Variants in MARCHF1 observed in about 807,000 individuals in gnomAD.
The protein encoded by MARCHF1 is E3 ubiquitin-protein ligase MARCHF1.
MARCHF1 carries 40 observed loss-of-function variants against 54.2 expected under a neutral mutation model. That is an observed-to-expected ratio of 0.74 (90% CI 0.57 to 0.96). The LOEUF is 0.96. Among genes scored for constraint, MARCHF1 ranks in the 40% least tolerant of loss-of-function variants. The pLI is 0.00. For synonymous variants in MARCHF1, 236 were observed against 236.3 expected, an observed-to-expected ratio of 1.00 and a Z score of 0.01; for missense variants, 586 against 656.5, an observed-to-expected ratio of 0.89 and a Z score of 1.17.
chr4:163,709,405 A>G (rs1001318816), intron 4 of MARCHF1, among the ~76,000 whole-genome samples: 1 of 152,154 alleles, frequency 6.6e-6, no homozygotes, highest in African/African-American at 2.4e-5. Context: ...GTGAGACCTC[A>G]TCTCTAATTT....
chr4:163,832,582 A>ATACTAT, intron 4 of MARCHF1, among the ~76,000 whole-genome samples: 1 of 147,632 alleles, frequency 6.8e-6, no homozygotes, highest in South Asian at 2.1e-4. Flanking sequence ...TGGATCCAAA[A>ATACTAT]TATTATTATT....
At chr4:164,049,302 C>G (rs534179504) in intron 2 of MARCHF1, among the ~76,000 whole-genome samples, 55 of 152,172 alleles carry the variant, frequency 3.6e-4, no homozygotes, top group Non-Finnish European at 6.9e-4. Flanking sequence ...GGAACCACCC[C>G]CGTGATTCAA....
At chr4:164,059,128 A>G (rs920039781) in intron 2 of MARCHF1, among the ~76,000 whole-genome samples, 1 of 152,228 alleles carries the variant, frequency 6.6e-6, no homozygotes, top group African/African-American at 2.4e-5. Flanking sequence ...ATCTAGTTGT[A>G]TGCAGAAGGG....
chr4:163,755,032 C>T (rs1746626722), intron 4 of MARCHF1, among the ~76,000 whole-genome samples: 1 of 152,158 alleles, frequency 6.6e-6, no homozygotes, highest in South Asian at 2.1e-4. Flanking sequence ...GGACATTCGG[C>T]AATGTCTGAA....
chr4:164,223,680 T>C (rs576938948), intron 1 of MARCHF1, among the ~76,000 whole-genome samples: 1 of 151,978 alleles, frequency 6.6e-6, no homozygotes, highest in South Asian at 2.1e-4. Context: ...TTCATGCCCA[T>C]CAAACTGAAT....
intron 1 of MARCHF1, among the ~76,000 whole-genome samples, chr4:164,139,493 A>G (rs1232357085): frequency 5.1e-5 from 4 of 78,232 alleles, no homozygotes; most frequent in African/African-American, 3.8e-4. Flanking sequence ...ATCTAAAGTC[A>G]AAAAAAAAAA....
chr4:163,822,560 T>C (rs1748723666), intron 4 of MARCHF1, among the ~76,000 whole-genome samples: 1 of 151,916 alleles, frequency 6.6e-6, no homozygotes, highest in Non-Finnish European at 1.5e-5. Context: ...CAACATTTGA[T>C]TCTGTACTGC....
intron 1 of MARCHF1, among the ~76,000 whole-genome samples, chr4:164,262,463 G>A (rs561527775): frequency 1.3e-5 from 2 of 152,318 alleles, no homozygotes; most frequent in South Asian, 4.1e-4. Flanking sequence ...ACCCAGAATG[G>A]CTGAACAGTC....
intron 8 of MARCHF1, among the ~76,000 whole-genome samples, chr4:163,582,308 C>T (rs769873618): frequency 6.6e-6 from 1 of 152,136 alleles, no homozygotes; most frequent in Non-Finnish European, 1.5e-5. Context: ...AGCTGGGCTA[C>T]TGACTTAAAG....
chr4:164,377,324 G>T (rs557279711), intron 1 of MARCHF1, among the ~76,000 whole-genome samples: 2 of 152,106 alleles, frequency 1.3e-5, no homozygotes, highest in Non-Finnish European at 2.9e-5. Context: ...CTAGAAATAC[G>T]TTCTGAGTTT....
chr4:163,634,372 C>T (rs1300038046), intron 5 of MARCHF1, among the ~76,000 whole-genome samples: 2 of 149,554 alleles, frequency 1.3e-5, no homozygotes, highest in African/African-American at 5.0e-5. Flanking sequence ...CAGAGACACA[C>T]ATAGGCTCAA....
chr4:164,123,037 G>A (rs1442128463), intron 1 of MARCHF1, among the ~76,000 whole-genome samples: 1 of 152,216 alleles, frequency 6.6e-6, no homozygotes, highest in Non-Finnish European at 1.5e-5. Context: ...GTTTTCAGAT[G>A]ATATGATCTT....
At chr4:163,551,326 G>T (rs1253786450) in intron 8 of MARCHF1, among the ~76,000 whole-genome samples, 1 of 152,162 alleles carries the variant, frequency 6.6e-6, no homozygotes, top group Non-Finnish European at 1.5e-5. Flanking sequence ...CTCTGGGAGA[G>T]AACTAAACAA....
In MARCHF1 at chr4:164,176,964, C is replaced by CCATATATA. The variant is rs1367492961; in HGVS notation, c.-322-65303_-322-65302insTATATATG. 6.3e-5 allele frequency among the ~76,000 whole-genome samples: 3 copies of CCATATATA among 47,718 alleles called. 1 individual carries two copies. The highest frequency in any genetic ancestry group is 2.5e-4 in the Admixed American group (1 of 3,976). The allele number at this position is 47,718 out of a possible 152,430, so 31.3% of individuals were successfully genotyped here. A position where few individuals can be genotyped will look rare whatever the true frequency, so the allele number is the denominator to read the frequency against. ...GCGCTCTCTCTCTCTCTCTCTCTCT[C>CCATATATA]TCTCTCTCTCTCTCTCTATATATAT... On this transcript the variant is annotated intron_variant, in intron 1 of 9. Coordinates refer to ENST00000514618, the MANE Select transcript of MARCHF1 (RefSeq NM_001394959.1).
At chr4:163,767,523 A>G (rs1263255343) in intron 4 of MARCHF1, among the ~76,000 whole-genome samples, 2 of 151,768 alleles carry the variant, frequency 1.3e-5, no homozygotes, top group Non-Finnish European at 2.9e-5. Flanking sequence ...TTTAGTAGAG[A>G]CGGGGTTTCA....
intron 2 of MARCHF1, among the ~76,000 whole-genome samples, chr4:163,996,358 A>G (rs747312772): frequency 6.6e-6 from 1 of 152,040 alleles, no homozygotes; most frequent in Non-Finnish European, 1.5e-5. Context: ...TGAAAGAACT[A>G]TTACTATAAA....
At chr4:164,227,626 A>T in intron 1 of MARCHF1, among the ~76,000 whole-genome samples, 1 of 152,174 alleles carries the variant, frequency 6.6e-6, no homozygotes, top group East Asian at 1.9e-4. Flanking sequence ...CAAAAATTTT[A>T]AAAAATAGTG....
chr4:164,379,727 T>C (rs918423097), intron 1 of MARCHF1, among the ~76,000 whole-genome samples: 4 of 152,160 alleles, frequency 2.6e-5, no homozygotes, highest in Non-Finnish European at 5.9e-5. Context: ...GGCTTATGCC[T>C]GTAATCTCAG....
At chr4:164,283,546 G>GAAT (rs1352178409) in intron 1 of MARCHF1, among the ~76,000 whole-genome samples, 1 of 151,046 alleles carries the variant, frequency 6.6e-6, no homozygotes, top group Non-Finnish European at 1.5e-5. Flanking sequence ...CAACCATGAT[G>GAAT]AATCCCCTTT....
Sources: allele counts gnomAD v4.1 joint callset (sites outside exome capture counted in the v4.1 genomes callset), GRCh38; gene constraint gnomAD v4.1.1; transcripts MANE v1.5; gene names NCBI Gene and HGNC (gene_info 2026-07-23, HGNC 2026-07-21).